The following CAST variants were observed in gnomAD, a reference collection of about 807,000 sequenced individuals.
The protein encoded by CAST is calpastatin, also known as MIR583 host.
In CAST, 76 loss-of-function variants were observed where a neutral mutation model predicts 119.6. The observed-to-expected ratio is 0.64, with a 90% CI of 0.53 to 0.77. The LOEUF is 0.77. Ranked by LOEUF, CAST falls within the 30% of genes least tolerant of loss-of-function variation. The pLI, the probability that CAST is intolerant of heterozygous loss-of-function variation, is 0.00. For synonymous variants in CAST, 319 were observed against 331.6 expected, an observed-to-expected ratio of 0.96 and a Z score of 0.41; for missense variants, 953 against 946.5, an observed-to-expected ratio of 1.01 and a Z score of -0.09.
chr5:96,593,540 A>G (rs1226019469), intron 1 of CAST, among the ~76,000 whole-genome samples: 1 of 152,240 alleles, frequency 6.6e-6, no homozygotes, highest in Non-Finnish European at 1.5e-5. Context: ...TGGAACAATG[A>G]GGTATGCACA....
chr5:96,035,084 TA>T, the CAST span, among the ~76,000 whole-genome samples: 1 of 141,118 alleles, frequency 7.1e-6, no homozygotes, highest in South Asian at 2.3e-4. Context: ...TATATATATA[TA>T]TATTTAAGTA....
chr5:96,031,396 CAGA>C, the CAST span, among the ~76,000 whole-genome samples: 3 of 152,178 alleles, frequency 2.0e-5, no homozygotes, highest in South Asian at 6.2e-4. Flanking sequence ...CTCTAGTGTG[CAGA>C]AGTAGTTTGT....
chr5:96,182,996 G>A, the CAST span, among the ~76,000 whole-genome samples: 1 of 151,802 alleles, frequency 6.6e-6, no homozygotes, highest in African/African-American at 2.4e-5. Flanking sequence ...ATAATTAGCC[G>A]GGCGTGGTGG....
chr5:96,597,458 A>T (rs174415), intron 1 of CAST, among the ~76,000 whole-genome samples: 78,085 of 152,032 alleles, frequency 0.51, 20,258 homozygotes, highest in African/African-American at 0.58. Context: ...AGGCAGGACA[A>T]GAAGGCTACC....
chr5:96,049,920 A>AAAAAAAAAAAAG, the CAST span, among the ~76,000 whole-genome samples: 2 of 149,252 alleles, frequency 1.3e-5, no homozygotes, highest in Non-Finnish European at 3.0e-5. Context: ...AAAAAAAAGA[A>AAAAAAAAAAAAG]AAAGAAAAAA....
At chr5:96,766,781 C>T (rs957490916) in intron 27 of CAST, among the ~76,000 whole-genome samples, 11 of 152,180 alleles carry the variant, frequency 7.2e-5, no homozygotes, top group African/African-American at 2.7e-4. Context: ...ATAACCCTTT[C>T]CATGCCTGTT....
At chr5:96,639,409 G>A (rs998467800) in intron 1 of CAST, among the ~76,000 whole-genome samples, 1 of 152,216 alleles carries the variant, frequency 6.6e-6, no homozygotes, top group Non-Finnish European at 1.5e-5. Context: ...TGAGTGAGCT[G>A]AAACCCTGTG....
At chr5:96,307,042 CA>C in the CAST span, among the ~76,000 whole-genome samples, 1 of 152,154 alleles carries the variant, frequency 6.6e-6, no homozygotes, top group Admixed American at 6.5e-5. Context: ...CTAATATTAA[CA>C]GTGGGGTGTT....
At chr5:96,729,328 A>G (rs1759978340) in intron 7 of CAST, 119 bp downstream of exon 7, 2 of 651,434 alleles carry the variant, frequency 3.1e-6, no homozygotes, top group South Asian at 1.9e-5. Context: ...TAGTTTTTTC[A>G]GCTAAAATGG....
chr5:96,560,600 A>G (rs1746338773), intron 1 of CAST, among the ~76,000 whole-genome samples: 1 of 152,258 alleles, frequency 6.6e-6, no homozygotes, highest in African/African-American at 2.4e-5. Flanking sequence ...CACATGAAAA[A>G]TTGCTCATCA....
chr5:96,488,772 C>T, the CAST span, among the ~76,000 whole-genome samples: 5 of 152,210 alleles, frequency 3.3e-5, no homozygotes, highest in African/African-American at 9.6e-5. Context: ...ACAAAGTCTT[C>T]TCTTCCCAAT....
At chr5:96,627,589 T>C (rs368225823) in intron 1 of CAST, among the ~76,000 whole-genome samples, 2 of 152,218 alleles carry the variant, frequency 1.3e-5, no homozygotes, top group African/African-American at 2.4e-5. Context: ...GCTATAAAAA[T>C]GTAAAAAACT....
the CAST span, chr5:96,411,043 T>C: frequency 8.2e-7 from 1 of 1,225,592 alleles, no homozygotes; most frequent in Non-Finnish European, 1.2e-6. Context: ...GTCATTGTTA[T>C]ATCCCAATAA....
chr5:96,538,927 A>C (rs1745867382), intron 1 of CAST, among the ~76,000 whole-genome samples: 1 of 152,228 alleles, frequency 6.6e-6, no homozygotes, highest in Non-Finnish European at 1.5e-5. Flanking sequence ...CAGGTCACCC[A>C]AAGAGGAAGC....
the CAST span, among the ~76,000 whole-genome samples, chr5:96,265,081 G>A: frequency 6.6e-6 from 1 of 152,136 alleles, no homozygotes; most frequent in African/African-American, 2.4e-5. Flanking sequence ...TATGTATTTG[G>A]TCTAAATAGA....
At chr5:96,123,885 T>A in the CAST span, among the ~76,000 whole-genome samples, 1 of 152,152 alleles carries the variant, frequency 6.6e-6, no homozygotes. Context: ...TGCTTAGATT[T>A]TTTTTCCCCC....
chr5:96,418,191 C>A, the CAST span, among the ~76,000 whole-genome samples: 2 of 152,192 alleles, frequency 1.3e-5, no homozygotes, highest in South Asian at 4.1e-4. Flanking sequence ...CAGGTTCCAC[C>A]TCCAAACGTT....
At chr5:96,602,426 C>A (rs1747172479) in intron 1 of CAST, among the ~76,000 whole-genome samples, 1 of 152,158 alleles carries the variant, frequency 6.6e-6, no homozygotes. Context: ...CATGATGAAT[C>A]TGTATTAGGA....
chr5:96,396,213 G>A, the CAST span, among the ~76,000 whole-genome samples: 1 of 152,082 alleles, frequency 6.6e-6, no homozygotes, highest in African/African-American at 2.4e-5. Flanking sequence ...AACGACTATA[G>A]AATTTGTATT....
Sources: allele counts gnomAD v4.1 joint callset (sites outside exome capture counted in the v4.1 genomes callset), GRCh38; gene constraint gnomAD v4.1.1; transcripts MANE v1.5; gene names NCBI Gene and HGNC (gene_info 2026-07-23, HGNC 2026-07-21).